The following GTF2IRD1 variants were observed in gnomAD, a reference collection of about 807,000 sequenced individuals.
The protein encoded by GTF2IRD1 is general transcription factor II-I repeat domain-containing protein 1.
A neutral mutation model predicts 113.2 loss-of-function variants in GTF2IRD1; 26 were observed. That is an observed-to-expected ratio of 0.23 (90% CI 0.17 to 0.32). GTF2IRD1 has a LOEUF of 0.32. GTF2IRD1 is among the 10% of genes least tolerant of loss of function. The pLI, the probability that GTF2IRD1 is intolerant of heterozygous loss-of-function variation, is 1.00. For missense variants in GTF2IRD1, 864 were observed against 1,280.8 expected (o/e 0.67, Z 4.97); for synonymous variants, 484 against 529.1 (o/e 0.91, Z 1.17).
Position 74,590,833 on chromosome 7 carries a change from C to A in GTF2IRD1, c.2407C>A (p.Leu803Met). 1 of 1,598,838 alleles carries A rather than the reference C, an allele frequency of 6.3e-7. No homozygotes were observed. Among genetic ancestry groups the A allele is most frequent in the Non-Finnish European group, 8.5e-7 (1 of 1,169,756 alleles). The stretch of plus-strand genomic sequence containing the variant: ...CTTCCTGTGCCCTCTAGGTGAGGCC[C>A]TGGGCCTGAACCGGCCGGTGCTGGT... Reference protein sequence around the residue: ...ELFNEKYGEALGLNRPVLVPY... With the variant: ...ELFNEKYGEAMGLNRPVLVPY... Residue 803 changes from leucine to methionine, a missense_variant, in exon 24 of 27, where the codon CTG becomes ATG. Around this residue, in one of 7 missense-constraint regions of GTF2IRD1, gnomAD observed 195 missense variants for 359.1 expected, o/e 0.54. Transcript: ENST00000424337.
intron 1 of GTF2IRD1, among the ~76,000 whole-genome samples, chr7:74,489,051 A>G (rs1554336140): frequency 6.6e-6 from 1 of 151,336 alleles, no homozygotes; most frequent in Non-Finnish European, 1.5e-5. Context: ...CTGAGGCAGG[A>G]GAATCATTTG....
intron 4 of GTF2IRD1, among the ~76,000 whole-genome samples, chr7:74,517,822 T>C (rs1554344958): frequency 1.4e-5 from 2 of 139,756 alleles, no homozygotes; most frequent in Admixed American, 6.9e-5. Context: ...CTCTGTCCTC[T>C]GGGCCCTTGA....
intron 1 of GTF2IRD1, among the ~76,000 whole-genome samples, chr7:74,476,377 T>TTTTTTTTTTTG (rs1554333536): frequency 6.9e-6 from 1 of 145,742 alleles, no homozygotes; most frequent in Non-Finnish European, 1.5e-5. Flanking sequence ...TTTTTTTTTT[T>TTTTTTTTTTTG]CTTTTGAGAC....
chr7:74,471,968 G>A (rs111341588), intron 1 of GTF2IRD1, among the ~76,000 whole-genome samples: 21,441 of 152,164 alleles, frequency 0.14, 1,679 homozygotes, highest in African/African-American at 0.21. Flanking sequence ...CTCCAGCCTA[G>A]GCGACAGAAT....
chr7:74,487,555 C>T (rs1795102742), intron 1 of GTF2IRD1: 1 of 152,092 alleles, frequency 6.6e-6, no homozygotes, highest in Non-Finnish European at 1.5e-5. Flanking sequence ...TTTGCAATCT[C>T]TAGGAAATTT....
intron 2 of GTF2IRD1, among the ~76,000 whole-genome samples, chr7:74,511,608 C>A (rs900374681): frequency 6.6e-6 from 1 of 152,222 alleles, no homozygotes; most frequent in Non-Finnish European, 1.5e-5. Flanking sequence ...CCTGGCCCCA[C>A]GCCGCGTGCA....
At chr7:74,494,624 T>C (rs1795552415) in intron 1 of GTF2IRD1, among the ~76,000 whole-genome samples, 3 of 152,162 alleles carry the variant, frequency 2.0e-5, no homozygotes, top group East Asian at 1.9e-4. Flanking sequence ...TAAGAACTTA[T>C]TTATTTATTT....
chr7:74,573,183 G>T (rs1466573322), intron 22 of GTF2IRD1, among the ~76,000 whole-genome samples: 3 of 152,066 alleles, frequency 2.0e-5, no homozygotes, highest in Non-Finnish European at 4.4e-5. Flanking sequence ...GAGGCAGGCG[G>T]ATTGCTTGAG....
chr7:74,456,682 A>G (rs1168591090), intron 1 of GTF2IRD1, among the ~76,000 whole-genome samples: 5 of 133,666 alleles, frequency 3.7e-5, no homozygotes, highest in Middle Eastern at 3.4e-3. Context: ...GACTCCATCT[A>G]AAAAAAAAAA....
intron 1 of GTF2IRD1, among the ~76,000 whole-genome samples, chr7:74,481,315 C>T (rs572400186): frequency 2.6e-5 from 4 of 152,074 alleles, no homozygotes; most frequent in East Asian, 3.9e-4. Context: ...CCACCACGCC[C>T]GGCTCATATT....
At chr7:74,558,364 T>TTTTTTTTTGTTTTG (rs1799740832) in intron 20 of GTF2IRD1, among the ~76,000 whole-genome samples, 1 of 121,280 alleles carries the variant, frequency 8.2e-6, no homozygotes, top group Non-Finnish European at 1.8e-5. Flanking sequence ...TTTTTTTTTT[T>TTTTTTTTTGTTTTG]TTTTTTTTTT....
At chr7:74,594,391 T>A (rs1196012972) in intron 24 of GTF2IRD1, among the ~76,000 whole-genome samples, 1 of 151,578 alleles carries the variant, frequency 6.6e-6, no homozygotes, top group East Asian at 1.9e-4. Flanking sequence ...AAAATAATAA[T>A]TGATAATAAT....
At chr7:74,581,746 G>A (rs782217773) in intron 22 of GTF2IRD1, among the ~76,000 whole-genome samples, 1 of 152,198 alleles carries the variant, frequency 6.6e-6, no homozygotes, top group Non-Finnish European at 1.5e-5. Context: ...GATGGCTCAC[G>A]CCTGTATCTC....
chr7:74,523,678 G>A (rs1406090296), intron 7 of GTF2IRD1, among the ~76,000 whole-genome samples: 6 of 149,586 alleles, frequency 4.0e-5, no homozygotes, highest in African/African-American at 9.8e-5. Context: ...CTGAGACCAC[G>A]CCACTGCACT....
chr7:74,579,689 A>T (rs1264520802), intron 22 of GTF2IRD1, among the ~76,000 whole-genome samples: 2 of 151,888 alleles, frequency 1.3e-5, no homozygotes, highest in Admixed American at 1.3e-4. Context: ...TCTTGCTGTC[A>T]TTCCGGCTAG....
intron 1 of GTF2IRD1, among the ~76,000 whole-genome samples, chr7:74,496,810 C>G (rs1233082828): frequency 6.6e-6 from 1 of 152,056 alleles, no homozygotes; most frequent in Non-Finnish European, 1.5e-5. Flanking sequence ...CGACACTCGA[C>G]AGTGGACAAT....
At chr7:74,563,503 G>C (rs1348739235) in intron 22 of GTF2IRD1, among the ~76,000 whole-genome samples, 10 of 151,910 alleles carry the variant, frequency 6.6e-5, no homozygotes, top group Non-Finnish European at 1.5e-5. Context: ...CTTGAAACTT[G>C]AAGGCGGAGG....
chr7:74,473,263 A>G (rs1409496696), intron 1 of GTF2IRD1, among the ~76,000 whole-genome samples: 1 of 152,110 alleles, frequency 6.6e-6, no homozygotes, highest in Non-Finnish European at 1.5e-5. Flanking sequence ...GGCAGGGGAG[A>G]GATCTTGGCC....
chr7:74,511,350 T>C (rs78847863), intron 2 of GTF2IRD1, among the ~76,000 whole-genome samples: 2 of 152,344 alleles, frequency 1.3e-5, no homozygotes, highest in Admixed American at 6.5e-5. Context: ...CCACCAGCTC[T>C]GGGTGCCTTT....
Sources: gnomAD v4.1 joint callset for allele counts (sites outside exome capture counted in the v4.1 genomes callset) on GRCh38, gnomAD v4.1.1 for gene constraint, gnomAD v4.1.1 regional missense constraint, MANE v1.5 for transcripts, NCBI Gene and HGNC (gene_info 2026-07-23, HGNC 2026-07-21) for gene names.